Variants in PLPPR1 observed in about 807,000 individuals in gnomAD.
The protein encoded by PLPPR1 is phospholipid phosphatase related 1, also known as phospholipid phosphatase-related protein type 1.
In PLPPR1, 10 loss-of-function variants were observed where a neutral mutation model predicts 33.1. The observed-to-expected ratio is 0.30, with a 90% CI of 0.19 to 0.51. The LOEUF is 0.51. Among genes scored for constraint, PLPPR1 ranks in the 20% least tolerant of loss-of-function variants. The probability of loss-of-function intolerance (pLI) is 0.97; values close to 1 mark genes in which losing one functional copy is unlikely to be tolerated. For synonymous variants in PLPPR1, 151 were observed against 151.0 expected (o/e 1.00, Z 0.00); for missense variants, 304 against 408.1 (o/e 0.74, Z 2.20).
chr9:101,314,006 G>T (rs1002269372), intron 6 of PLPPR1, among the ~76,000 whole-genome samples: 1 of 152,072 alleles, frequency 6.6e-6, no homozygotes, highest in African/African-American at 2.4e-5. Flanking sequence ...TTGCTGTGTA[G>T]TATTCCATTG....
At chr9:101,032,949 A>C (rs926689253) in intron 1 of PLPPR1, among the ~76,000 whole-genome samples, 1 of 152,166 alleles carries the variant, frequency 6.6e-6, no homozygotes, top group Non-Finnish European at 1.5e-5. Flanking sequence ...AGTGTGTATA[A>C]ATTCCCTTTT....
intron 2 of PLPPR1, among the ~76,000 whole-genome samples, chr9:101,244,666 ATC>A (rs1256365282): frequency 2.6e-5 from 4 of 151,992 alleles, no homozygotes; most frequent in African/African-American, 9.7e-5. Context: ...TTTGGAGATA[ATC>A]TTTTTTCTAG....
chr9:101,191,315 A>G (rs539588070), intron 2 of PLPPR1, among the ~76,000 whole-genome samples: 18 of 152,300 alleles, frequency 1.2e-4, no homozygotes, highest in Admixed American at 7.2e-4. Context: ...AACTCATAAC[A>G]TTACTTTTTG....
At chr9:101,114,935 C>T (rs1313081918) in intron 1 of PLPPR1, among the ~76,000 whole-genome samples, 1 of 152,122 alleles carries the variant, frequency 6.6e-6, no homozygotes, top group African/African-American at 2.4e-5. Context: ...TTATTCAGTA[C>T]CTTTGAGAGG....
chr9:101,147,230 C>T (rs1024680732), intron 1 of PLPPR1, among the ~76,000 whole-genome samples: 1 of 152,118 alleles, frequency 6.6e-6, no homozygotes, highest in African/African-American at 2.4e-5. Flanking sequence ...AATGTCTGCA[C>T]ATTTATAATT....
At chr9:101,263,314 T>G (rs186422748) in intron 2 of PLPPR1, among the ~76,000 whole-genome samples, 1 of 152,230 alleles carries the variant, frequency 6.6e-6, no homozygotes, top group African/African-American at 2.4e-5. Context: ...GGTTTGCTTT[T>G]GATCTTATAG....
intron 1 of PLPPR1, among the ~76,000 whole-genome samples, chr9:101,083,889 C>T (rs1370705948): frequency 6.6e-6 from 1 of 152,174 alleles, no homozygotes; most frequent in Admixed American, 6.5e-5. Context: ...AGACCTCCAC[C>T]TTGGCTGATA....
At chr9:101,216,467 C>A (rs1318790130) in intron 2 of PLPPR1, among the ~76,000 whole-genome samples, 2 of 151,988 alleles carry the variant, frequency 1.3e-5, no homozygotes, top group East Asian at 3.9e-4. Context: ...ATATTTTCTC[C>A]CGTTCTGAAT....
intron 2 of PLPPR1, among the ~76,000 whole-genome samples, chr9:101,204,485 A>G (rs564137074): frequency 2.6e-5 from 4 of 152,288 alleles, no homozygotes; most frequent in African/African-American, 9.6e-5. Flanking sequence ...GATGCTGAGT[A>G]TGATTAGCTC....
intron 2 of PLPPR1, among the ~76,000 whole-genome samples, chr9:101,215,932 A>G (rs975619875): frequency 3.3e-5 from 5 of 152,178 alleles, no homozygotes; most frequent in African/African-American, 1.2e-4. Context: ...GCTATTGTGA[A>G]TAGTGCTGCA....
At chr9:101,316,189 C>T (rs916883291) in intron 6 of PLPPR1, among the ~76,000 whole-genome samples, 2 of 152,148 alleles carry the variant, frequency 1.3e-5, no homozygotes, top group African/African-American at 4.8e-5. Flanking sequence ...GTAATTCCAG[C>T]ACTTTGGGAG....
At chr9:101,223,936 T>A (rs748674713) in intron 2 of PLPPR1, among the ~76,000 whole-genome samples, 14 of 152,252 alleles carry the variant, frequency 9.2e-5, no homozygotes, top group Non-Finnish European at 1.9e-4. Context: ...AGTTTTTAGT[T>A]TCTTTTTAAA....
intron 3 of PLPPR1, among the ~76,000 whole-genome samples, chr9:101,272,068 GA>G (rs1828111538): frequency 2.6e-5 from 4 of 151,814 alleles, no homozygotes; most frequent in Non-Finnish European, 2.9e-5. Context: ...ATAAACTTAA[GA>G]CTTATTTAAG....
intron 1 of PLPPR1, among the ~76,000 whole-genome samples, chr9:101,154,471 A>G (rs1434851682): frequency 6.6e-6 from 1 of 152,084 alleles, no homozygotes; most frequent in Non-Finnish European, 1.5e-5. Flanking sequence ...TATCCATTTC[A>G]TCTAGATTTT....
intron 1 of PLPPR1, among the ~76,000 whole-genome samples, chr9:101,156,574 G>A (rs2771068): frequency 0.64 from 60,947 of 95,472 alleles, 18,163 homozygotes; most frequent in Admixed American, 0.69. Context: ...AAAAAAAAAA[G>A]AAAGAAAGAA....
At chr9:101,182,404 T>C (rs2118711567) in intron 1 of PLPPR1, among the ~76,000 whole-genome samples, 1 of 151,928 alleles carries the variant, frequency 6.6e-6, no homozygotes, top group Non-Finnish European at 1.5e-5. Context: ...GTAGTAAAAA[T>C]AAGTACCTGA....
chr9:101,133,698 T>C (rs1461354801), intron 1 of PLPPR1, among the ~76,000 whole-genome samples: 3 of 146,902 alleles, frequency 2.0e-5, no homozygotes, highest in Non-Finnish European at 1.5e-5. Flanking sequence ...AAGAACATCC[T>C]CCTTCCACAC....
At chr9:101,301,252 C>T (rs1828747131) in intron 4 of PLPPR1, among the ~76,000 whole-genome samples, 1 of 152,076 alleles carries the variant, frequency 6.6e-6, no homozygotes, top group East Asian at 1.9e-4. Flanking sequence ...ATAACTGAGT[C>T]AAATATTTGT....
intron 1 of PLPPR1, among the ~76,000 whole-genome samples, chr9:101,166,720 A>G (rs1041987372): frequency 6.6e-6 from 1 of 152,156 alleles, no homozygotes; most frequent in African/African-American, 2.4e-5. Context: ...CCTGGTGTGG[A>G]CTAGTAAGTC....
Sources: allele counts gnomAD v4.1 joint callset (sites outside exome capture counted in the v4.1 genomes callset), GRCh38; gene constraint gnomAD v4.1.1; transcripts MANE v1.5; gene names NCBI Gene and HGNC (gene_info 2026-07-23, HGNC 2026-07-21).